NALCN: variants seen among roughly 807,000 people sequenced by gnomAD.
NALCN encodes sodium leak channel, non-selective.
In NALCN, 111 loss-of-function variants were observed where a neutral mutation model predicts 225.3. The observed-to-expected ratio is 0.49, with a 90% CI of 0.42 to 0.58. NALCN has a LOEUF of 0.58. Among genes scored for constraint, NALCN ranks in the 20% least tolerant of loss-of-function variants. The probability of loss-of-function intolerance (pLI) is 0.00; values close to 1 mark genes in which losing one functional copy is unlikely to be tolerated. For synonymous variants in NALCN, 764 were observed against 769.0 expected (o/e 0.99, Z 0.11); for missense variants, 1,378 against 2,202.4 (o/e 0.63, Z 7.49).
intron 43 of NALCN, 33 bp downstream of exon 43, chr13:101,057,906 T>C (rs1370660557): frequency 6.5e-7 from 1 of 1,541,110 alleles, no homozygotes; most frequent in South Asian, 1.1e-5. Flanking sequence ...TTAAAATGCC[T>C]CGATCGCTGG....
chr13:101,231,997 CTTT>C (rs35977237), intron 12 of NALCN, among the ~76,000 whole-genome samples: 10 of 139,438 alleles, frequency 7.2e-5, no homozygotes, highest in Admixed American at 2.2e-4. Context: ...TGTTCTATTT[CTTT>C]TTTTTTTTTT....
chr13:101,300,958 A>G (rs982297785), intron 7 of NALCN, among the ~76,000 whole-genome samples: 1 of 152,234 alleles, frequency 6.6e-6, no homozygotes, highest in Non-Finnish European at 1.5e-5. Flanking sequence ...ACAACTTGCC[A>G]TATTGGTAAA....
chr13:101,397,109 T>TATATATATATAC (rs1169730118), intron 2 of NALCN, among the ~76,000 whole-genome samples: 66 of 80,910 alleles, frequency 8.2e-4, no homozygotes, highest in Non-Finnish European at 1.3e-3. Context: ...TATATATATA[T>TATATATATATAC]ACATACACAT....
rs181429988 is a variant in NALCN, at chr13:101,264,574, A to C, written c.1135-6000T>G. Among the ~76,000 whole-genome samples, 137 of 152,234 alleles carry C rather than the reference A, an allele frequency of 9.0e-4. No individual in the cohort carries two copies. The Middle Eastern group carries it at 0.01, about 11-fold the overall frequency. On this transcript the variant is annotated intron_variant, in intron 10 of 43. Coordinates refer to ENST00000251127, the MANE Select transcript of NALCN (RefSeq NM_052867.4). ...CCCCATCCCAGGCCTACTGAATCAG[A>C]ATCTGTATCTTTAACACGGTTCCCA...
chr13:101,076,986 G>C (rs1257537705), intron 34 of NALCN, among the ~76,000 whole-genome samples: 1 of 152,154 alleles, frequency 6.6e-6, no homozygotes, highest in African/African-American at 2.4e-5. Flanking sequence ...ACCAGGTGGA[G>C]ATAATTGAAT....
intron 43 of NALCN, chr13:101,056,870 C>T (rs561410788): frequency 2.6e-5 from 4 of 152,246 alleles, no homozygotes; most frequent in East Asian, 1.9e-4. Context: ...AAAATTGAAC[C>T]GACTCAGCTT....
rs1442315593 is a variant in NALCN, at chr13:101,055,266, A to G, written c.*29T>C. 8 of 1,583,590 alleles carry G rather than the reference A, an allele frequency of 5.1e-6. No homozygotes were observed. The highest frequency in any genetic ancestry group is 1.3e-5 in the African/African-American group (1 of 74,258). ...ACATTATTAGAAAACGGTTTCCACC[A>G]CTAGAAATTCATCTACATTGACATC... On this transcript the variant is annotated 3_prime_UTR_variant, in exon 44 of 44. Coordinates refer to ENST00000251127, the MANE Select transcript of NALCN (RefSeq NM_052867.4).
rs116106961 is a variant in NALCN at position 101,337,277 on chromosome 13, A to T, written c.799+7989T>A. On this transcript the variant is annotated intron_variant, in intron 7 of 43. Coordinates refer to ENST00000251127, the MANE Select transcript of NALCN (RefSeq NM_052867.4). The stretch of plus-strand genomic sequence containing the variant: ...TCACATTCCTTCACATTTACTCTTT[A>T]TTATTTATTTATTTATTTATTTATT... Among the ~76,000 whole-genome samples, 541 of 142,610 alleles carry T rather than the reference A, an allele frequency of 3.8e-3. 5 individuals are homozygous for T. Among genetic ancestry groups the T allele is most frequent in the African/African-American group, 0.013 (499 of 38,128 alleles). The allele number at this position is 142,610 out of a possible 152,430, so 93.6% of individuals were successfully genotyped here.
intron 39 of NALCN, 28 bp downstream of exon 39, chr13:101,067,889 AG>A: frequency 1.4e-6 from 2 of 1,423,272 alleles, no homozygotes; most frequent in Non-Finnish European, 2.0e-6. Context: ...CTTTGAGGTG[AG>A]GCATGAAACA....
chr13:101,337,418 C>T (rs2139265176), intron 7 of NALCN, among the ~76,000 whole-genome samples: 1 of 152,182 alleles, frequency 6.6e-6, no homozygotes, highest in East Asian at 1.9e-4. Flanking sequence ...AAGCGATTCT[C>T]CTGCCTCAGC....
intron 6 of NALCN, among the ~76,000 whole-genome samples, chr13:101,371,345 G>T (rs780396978): frequency 6.6e-6 from 1 of 151,984 alleles, no homozygotes; most frequent in Non-Finnish European, 1.5e-5. Context: ...TAGAGACTGG[G>T]TCTCACTCTA....
At chr13:101,057,358 C>T (rs749300) in intron 43 of NALCN, 53,288 of 153,338 alleles carry the variant, frequency 0.35, 9,984 homozygotes, top group East Asian at 0.55. Context: ...AATAATGGGA[C>T]TGTTTATTAA....
rs113507709 is a variant in NALCN, at chr13:101,387,146, G to A, written c.291+8037C>T. Among the ~76,000 whole-genome samples, 520 of 149,534 alleles carry A rather than the reference G, an allele frequency of 3.5e-3. 2 individuals carry two copies. Among genetic ancestry groups the A allele is most frequent in the African/African-American group, 0.012 (490 of 40,562 alleles). On this transcript the variant is annotated intron_variant, in intron 3 of 43. Transcript: ENST00000251127. ...TGAGGCAGGAGAATGGCGTGAACCC[G>A]GGAAGCGGAGCTTGCAGTGAGCCGA...
chr13:101,105,503 A>G (rs1167893291), intron 22 of NALCN, among the ~76,000 whole-genome samples: 2 of 152,174 alleles, frequency 1.3e-5, no homozygotes, highest in African/African-American at 4.8e-5. Flanking sequence ...CCCCAATTAC[A>G]ACAGAGTCTT....
chr13:101,079,368 TA>T (rs1254162571), intron 34 of NALCN, among the ~76,000 whole-genome samples: 2 of 152,252 alleles, frequency 1.3e-5, no homozygotes, highest in East Asian at 3.9e-4. Flanking sequence ...AGAGGTCTGA[TA>T]CCTTCTTACC....
intron 22 of NALCN, among the ~76,000 whole-genome samples, chr13:101,106,296 G>C (rs1418489558): frequency 6.6e-6 from 1 of 152,106 alleles, no homozygotes; most frequent in Non-Finnish European, 1.5e-5. Flanking sequence ...GTCACATTCT[G>C]AGGTTCTGAG....
At chr13:101,164,783 T>C (rs1022270408) in intron 15 of NALCN, among the ~76,000 whole-genome samples, 2 of 152,206 alleles carry the variant, frequency 1.3e-5, no homozygotes, top group African/African-American at 4.8e-5. Context: ...TAAGAATTTA[T>C]TATAAAAGTA....
At chr13:101,390,972 A>C (rs1296048205) in intron 3 of NALCN, among the ~76,000 whole-genome samples, 2 of 152,116 alleles carry the variant, frequency 1.3e-5, no homozygotes, top group Non-Finnish European at 2.9e-5. Flanking sequence ...TGACAAGTTA[A>C]TGGGTGCAGC....
intron 18 of NALCN, among the ~76,000 whole-genome samples, chr13:101,124,020 A>G (rs1234624018): frequency 6.6e-6 from 1 of 152,206 alleles, no homozygotes; most frequent in African/African-American, 2.4e-5. Context: ...GATATTCTAA[A>G]TGCCTATGTG....
Sources: gnomAD v4.1 joint callset for allele counts (sites outside exome capture counted in the v4.1 genomes callset) on GRCh38, gnomAD v4.1.1 for gene constraint, MANE v1.5 for transcripts, NCBI Gene and HGNC (gene_info 2026-07-23, HGNC 2026-07-21) for gene names.